DLC1: variants seen among roughly 807,000 people sequenced by gnomAD.
DLC1 encodes the protein DLC1 Rho GTPase activating protein.
Under a neutral mutation model 140.3 loss-of-function variants are expected in DLC1, and 54 were observed. That is an observed-to-expected ratio of 0.38 (90% confidence interval 0.31 to 0.48). DLC1 has a LOEUF of 0.48. Among genes scored for constraint, DLC1 ranks in the 20% least tolerant of loss-of-function variants. The probability of loss-of-function intolerance (pLI) is 0.96; values close to 1 mark genes in which losing one functional copy is unlikely to be tolerated. For synonymous variants in DLC1, 986 were observed against 728.1 expected, an observed-to-expected ratio of 1.35 and a Z score of -5.70; for missense variants, 2,536 against 1,907.0, an observed-to-expected ratio of 1.33 and a Z score of -6.14.
At chr8:13,475,678 G>A (rs1450614124) in intron 2 of DLC1, among the ~76,000 whole-genome samples, 10 of 152,160 alleles carry the variant, frequency 6.6e-5, no homozygotes. Flanking sequence ...AGGTGAACTG[G>A]GGAAAATACA....
chr8:13,557,230 T>G (rs1199511626), intron 1 of DLC1, among the ~76,000 whole-genome samples: 1 of 152,120 alleles, frequency 6.6e-6, no homozygotes, highest in Non-Finnish European at 1.5e-5. Context: ...TTTTTATTCG[T>G]ACTCTGAAAA....
At chr8:13,470,171 G>T (rs1482807905) in intron 2 of DLC1, among the ~76,000 whole-genome samples, 1 of 152,104 alleles carries the variant, frequency 6.6e-6, no homozygotes, top group Non-Finnish European at 1.5e-5. Flanking sequence ...AAGGAAGAAA[G>T]CATATTTGTC....
chr8:13,411,832 A>G (rs1029712646), intron 2 of DLC1, among the ~76,000 whole-genome samples: 3 of 152,226 alleles, frequency 2.0e-5, no homozygotes, highest in Non-Finnish European at 2.9e-5. Flanking sequence ...AAAAATGACC[A>G]ATATTTTGCT....
At chr8:13,581,122 G>A (rs1009768098) in intron 1 of DLC1, among the ~76,000 whole-genome samples, 16 of 152,196 alleles carry the variant, frequency 1.1e-4, no homozygotes, top group African/African-American at 3.1e-4. Flanking sequence ...TCTTTGCAAG[G>A]AATTAAGACA....
At chr8:13,390,237 G>T (rs761550288) in intron 4 of DLC1, among the ~76,000 whole-genome samples, 6 of 152,140 alleles carry the variant, frequency 3.9e-5, no homozygotes, top group Admixed American at 6.5e-5. Flanking sequence ...CAAATTGAAA[G>T]AATGATTCCC....
intron 5 of DLC1, among the ~76,000 whole-genome samples, chr8:13,251,672 T>C (rs1830011514): frequency 6.6e-6 from 1 of 152,052 alleles, no homozygotes; most frequent in Admixed American, 6.6e-5. Flanking sequence ...TGTGGGGTCA[T>C]GGAAATAAAA....
chr8:13,352,480 C>G (rs1027045270), intron 4 of DLC1, among the ~76,000 whole-genome samples: 2 of 152,094 alleles, frequency 1.3e-5, no homozygotes, highest in African/African-American at 4.8e-5. Flanking sequence ...CTCCTGGGCT[C>G]AAGCAGTCCT....
rs60094700 is a variant in DLC1, at chr8:13,085,576, A to ATT, written c.*233_*234dup. On this transcript the variant is annotated 3_prime_UTR_variant, in exon 18 of 18. Transcript: ENST00000276297. Reference sequence around the variant, plus strand: ...GCAATTTGAATAAGAATACACATAAATTTTTTTTTTTTTTTTGCACAGTCT... The same window carrying ATT: ...GCAATTTGAATAAGAATACACATAAATTTTTTTTTTTTTTTTTTGCACAGTCT... 1.9e-3 allele frequency: 599 copies of ATT among 314,898 alleles called. No homozygotes were observed. Among genetic ancestry groups the ATT allele is most frequent in the East Asian group, 3.9e-3 (68 of 17,230 alleles). 19.5% of individuals were successfully genotyped at this position (314,898 alleles called of 1,614,324 possible).
At chr8:13,462,112 T>G (rs1799692288) in intron 2 of DLC1, among the ~76,000 whole-genome samples, 1 of 152,146 alleles carries the variant, frequency 6.6e-6, no homozygotes, top group South Asian at 2.1e-4. Context: ...ACCTCCAGCC[T>G]TTTTCTAGGA....
At chr8:13,433,055 T>G (rs1352804809) in intron 2 of DLC1, among the ~76,000 whole-genome samples, 3 of 151,012 alleles carry the variant, frequency 2.0e-5, no homozygotes, top group Non-Finnish European at 4.4e-5. Context: ...AGCACAGACA[T>G]TTGGAAAGAA....
chr8:13,379,234 C>G (rs991197574), intron 4 of DLC1, among the ~76,000 whole-genome samples: 2 of 152,130 alleles, frequency 1.3e-5, no homozygotes, highest in East Asian at 3.9e-4. Flanking sequence ...TTTTTACTTG[C>G]CTGGAGTCAG....
intron 5 of DLC1, among the ~76,000 whole-genome samples, chr8:13,267,783 G>C (rs13270509): frequency 6.9e-6 from 1 of 145,464 alleles, no homozygotes; most frequent in African/African-American, 2.5e-5. Flanking sequence ...CAATTGCCTA[G>C]ATGTGCTCAT....
rs77586688 is a variant in DLC1 at position 13,253,594 on chromosome 8, T to A, written c.1348+51675A>T. Among the ~76,000 whole-genome samples the A allele has an allele frequency of 8.3e-3, 1,261 of 152,298 alleles. 9 individuals are homozygous for A. Among genetic ancestry groups the A allele is most frequent in the South Asian group, 0.033 (158 of 4,832 alleles). On this transcript the variant is annotated intron_variant, in intron 5 of 17. Coordinates refer to ENST00000276297, the MANE Select transcript of DLC1 (RefSeq NM_182643.3). ...TTCCTTTTTCTGTTTCCTTACCATA[T>A]CATACTAAACTGAAAAGACTTAGTA...
chr8:13,091,032 T>C (rs1208998765), intron 14 of DLC1, among the ~76,000 whole-genome samples: 1 of 151,878 alleles, frequency 6.6e-6, no homozygotes, highest in African/African-American at 2.4e-5. Context: ...GGTCTTGAAC[T>C]CCGGAGCTCA....
chr8:13,267,035 T>C (rs1586037361), intron 5 of DLC1, among the ~76,000 whole-genome samples: 1 of 152,366 alleles, frequency 6.6e-6, no homozygotes, highest in African/African-American at 2.4e-5. Flanking sequence ...TGAGTTGACA[T>C]GCACGTGCTA....
intron 2 of DLC1, among the ~76,000 whole-genome samples, chr8:13,496,185 A>C (rs1015731886): frequency 6.6e-6 from 1 of 152,188 alleles, no homozygotes; most frequent in Non-Finnish European, 1.5e-5. Context: ...TATCTCTTCT[A>C]AACCAGTTGC....
intron 5 of DLC1, among the ~76,000 whole-genome samples, chr8:13,173,002 A>T (rs533338800): frequency 6.6e-6 from 1 of 152,370 alleles, no homozygotes; most frequent in African/African-American, 2.4e-5. Context: ...CTCTATGTGT[A>T]ACGATTATTG....
intron 2 of DLC1, among the ~76,000 whole-genome samples, chr8:13,438,769 G>T (rs17093429): frequency 0.099 from 15,014 of 152,016 alleles, 827 homozygotes; most frequent in South Asian, 0.16. Flanking sequence ...AGGAAACTTC[G>T]CTGTCCAAAA....
chr8:13,360,690 T>C (rs551670157), intron 4 of DLC1, among the ~76,000 whole-genome samples: 3 of 152,212 alleles, frequency 2.0e-5, no homozygotes, highest in South Asian at 2.1e-4. Context: ...CTTTTATAAA[T>C]AATGTAATTT....
Sources: allele counts gnomAD v4.1 joint callset (sites outside exome capture counted in the v4.1 genomes callset), GRCh38; gene constraint gnomAD v4.1.1; transcripts MANE v1.5; gene names NCBI Gene and HGNC (gene_info 2026-07-23, HGNC 2026-07-21).